ZNF660: variants seen among roughly 807,000 people sequenced by gnomAD.
ZNF660 encodes the protein zinc finger protein 660.
In ZNF660, 24 loss-of-function variants were observed where a neutral mutation model predicts 23.2. The ratio of observed to expected loss-of-function variants is 1.04; its 90% CI spans 0.75 to 1.46. ZNF660 has a LOEUF of 1.46. Among genes scored for constraint, ZNF660 ranks in the 40% most tolerant of loss-of-function variants. The pLI, the probability that ZNF660 is intolerant of heterozygous loss-of-function variation, is 0.00. For synonymous variants in ZNF660, 117 were observed against 131.4 expected (o/e 0.89, Z 0.75); for missense variants, 373 against 396.8 (o/e 0.94, Z 0.51).
chr3:44,590,762 A>T (rs951747362), intron 2 of ZNF660, among the ~76,000 whole-genome samples: 3 of 152,226 alleles, frequency 2.0e-5, no homozygotes, highest in Non-Finnish European at 4.4e-5. Context: ...CAACTTTCTC[A>T]CAGAACTTTG....
At chr3:44,590,504 A>C (rs192759887) in intron 2 of ZNF660, among the ~76,000 whole-genome samples, 1 of 152,226 alleles carries the variant, frequency 6.6e-6, no homozygotes, top group Admixed American at 6.5e-5. Context: ...ATTTAACCTT[A>C]ATTATCTCCT....
intron 2 of ZNF660, among the ~76,000 whole-genome samples, chr3:44,591,450 A>C (rs548391454): frequency 3.9e-5 from 6 of 152,314 alleles, no homozygotes; most frequent in Non-Finnish European, 7.4e-5. Flanking sequence ...TTTGAATAGC[A>C]ACAAGCAATA....
intron 2 of ZNF660, among the ~76,000 whole-genome samples, chr3:44,593,725 C>T (rs1700513764): frequency 6.6e-6 from 1 of 150,758 alleles, no homozygotes; most frequent in Admixed American, 6.6e-5. Context: ...AGTTAGATGG[C>T]TCCAATTCAG....
chr3:44,594,483 G>A lies in ZNF660; in HGVS notation c.290G>A (p.Arg97Gln), dbSNP rs149108320. 1.7e-4 allele frequency: 268 copies of A among 1,614,040 alleles called. No individual in the cohort carries two copies. The African/African-American group carries it at 2.2e-3, about 13-fold the overall frequency. ...FSHSSNLVVH[R>Q]RIHTGLKPYT... is the part of the protein sequence containing the mutation. ...CATAGCTCTAACCTTGTTGTTCATCGGAGAATCCACACTGGACTGAAGCCC... is the reference window on the plus strand; with the variant it reads ...CATAGCTCTAACCTTGTTGTTCATCAGAGAATCCACACTGGACTGAAGCCC... Residue 97 changes from arginine to glutamine, a missense_variant, in exon 3 of 3, where the codon CGG (arginine) becomes CAG (glutamine). Coordinates refer to ENST00000322734, the MANE Select transcript of ZNF660 (RefSeq NM_173658.4).
chr3:44,588,069 G>A (rs999282125), intron 2 of ZNF660, among the ~76,000 whole-genome samples: 4 of 152,084 alleles, frequency 2.6e-5, no homozygotes, highest in Non-Finnish European at 4.4e-5. Flanking sequence ...AAAAAAGAAA[G>A]AAAGAAAGAA....
chr3:44,594,994 T>A lies in ZNF660; in HGVS notation c.801T>A (p.Val267=). The A allele has an allele frequency of 1.2e-6, 2 of 1,613,980 alleles. No individual in the cohort carries two copies. Among genetic ancestry groups the A allele is most frequent in the Non-Finnish European group, 1.7e-6 (2 of 1,179,978 alleles). The change falls in exon 3 of 3, where the codon GTT becomes GTA. Residue 267 remains valine (V), a synonymous_variant. Coordinates refer to ENST00000322734, the MANE Select transcript of ZNF660 (RefSeq NM_173658.4). ...SNRNLVDHQR[V]HTGEKPYKCN... The stretch of plus-strand genomic sequence containing the variant: ...GAAACCTTGTTGATCATCAGAGAGT[T>A]CACACTGGAGAGAAACCCTATAAAT...
rs1024745551 is a variant in ZNF660, at chr3:44,597,477, C to G, written c.*2288C>G. The G allele has an allele frequency of 6.6e-6, 1 of 152,038 alleles. No homozygotes were observed. The highest frequency in any genetic ancestry group is 1.5e-5 in the Non-Finnish European group (1 of 67,990). The allele number at this position is 152,038 out of a possible 1,614,324, so 9.4% of individuals were successfully genotyped here. A position where few individuals can be genotyped will look rare whatever the true frequency, so the allele number is the denominator to read the frequency against. ...TGTATATTTGTGTGAAAAAAAATTA[C>G]TGATTTTGTCCTATTTTGATAGGAT... On this transcript the variant is annotated 3_prime_UTR_variant, in exon 3 of 3. Coordinates refer to ENST00000322734, the MANE Select transcript of ZNF660 (RefSeq NM_173658.4). The surrounding 1 kb of genome is among the most constrained non-coding windows in gnomAD (Gnocchi z 4.1).
At chr3:44,588,244 G>A (rs974704380) in intron 2 of ZNF660, among the ~76,000 whole-genome samples, 1 of 152,138 alleles carries the variant, frequency 6.6e-6, no homozygotes, top group Non-Finnish European at 1.5e-5. Context: ...GCAGAGCATG[G>A]TGAGAGTAGG....
At position 44,592,878 on chromosome 3, in the gene ZNF660, C is replaced by G. The variant is rs1415620375; in HGVS notation, c.-180-1136C>G. On this transcript the variant is annotated intron_variant, in intron 2 of 2. Transcript: ENST00000322734. The stretch of plus-strand genomic sequence containing the variant: ...ACCATCCTGGCTAACACAGTGAAAC[C>G]TCGTCTCTACTAAAAATACAAAAAA... Among the ~76,000 whole-genome samples, 3 of 152,076 alleles carry G rather than the reference C, an allele frequency of 2.0e-5. No homozygotes were observed. In the East Asian group the frequency reaches 5.8e-4, roughly 29 times the overall value.
chr3:44,593,507 A>G (rs1199322827), intron 2 of ZNF660, among the ~76,000 whole-genome samples: 1 of 152,122 alleles, frequency 6.6e-6, no homozygotes, highest in Non-Finnish European at 1.5e-5. Context: ...TGAGGTCAGG[A>G]GTTCAAGACC....
Position 44,594,424 on chromosome 3 carries a change from C to G in ZNF660, c.231C>G (p.Pro77=). ...VHERIHTGEK[P]YKCKECGKAF... Reference sequence around the variant, plus strand: ...AGCGAATCCACACGGGAGAGAAACCCTATAAGTGTAAGGAGTGTGGAAAAG... The same window carrying G: ...AGCGAATCCACACGGGAGAGAAACCGTATAAGTGTAAGGAGTGTGGAAAAG... The change falls in exon 3 of 3, where the codon CCC becomes CCG. Residue 77 remains proline, a synonymous_variant. Coordinates refer to ENST00000322734, the MANE Select transcript of ZNF660 (RefSeq NM_173658.4). The G allele has an allele frequency of 4.3e-6, 7 of 1,613,590 alleles. No individual in the cohort carries two copies. The highest frequency in any genetic ancestry group is 5.1e-6 in the Non-Finnish European group (6 of 1,179,920).
chr3:44,588,748 G>A (rs893477955), intron 2 of ZNF660, among the ~76,000 whole-genome samples: 1 of 152,094 alleles, frequency 6.6e-6, no homozygotes. Flanking sequence ...TGGGATTATA[G>A]GAGTGAGCCA....
chr3:44,596,938 C>A lies in ZNF660; in HGVS notation c.*1749C>A, dbSNP rs1445995460. ...ATTTTAAGTGCTTAGCTCAAAGTCA[C>A]TCTGAAACACTTAGAATCTCCCTAT... On this transcript the variant is annotated 3_prime_UTR_variant, in exon 3 of 3. Transcript: ENST00000322734. 1 of 152,224 alleles carries A rather than the reference C, an allele frequency of 6.6e-6. No homozygotes were observed. The highest frequency in any genetic ancestry group is 1.9e-4 in the East Asian group (1 of 5,194). The allele number at this position is 152,224 out of a possible 1,614,324, so 9.4% of individuals were successfully genotyped here. A position where few individuals can be genotyped will look rare whatever the true frequency, so the allele number is the denominator to read the frequency against.
In ZNF660 at chr3:44,594,532, A is replaced by C. The variant is rs1278108962; in HGVS notation, c.339A>C (p.Lys113Asn). The C allele has an allele frequency of 6.2e-7, 1 of 1,614,214 alleles. No homozygotes were observed. The stretch of plus-strand genomic sequence containing the variant: ...CCTATACATGCAGTGAATGTGGGAA[A>C]TCTTTCAGTGGAAAGTCACATCTTA... ...LKPYTCSECG[K>N]SFSGKSHLIR... The change falls in exon 3 of 3, where the codon AAA becomes AAC. Residue 113 changes from lysine (K) to asparagine (N), a missense_variant. Coordinates refer to ENST00000322734, the MANE Select transcript of ZNF660 (RefSeq NM_173658.4).
At chr3:44,588,530 TA>T (rs1038128105) in intron 2 of ZNF660, among the ~76,000 whole-genome samples, 6 of 152,168 alleles carry the variant, frequency 3.9e-5, no homozygotes, top group African/African-American at 1.2e-4. Context: ...TGTATTTATT[TA>T]TTTTGAGACA....
At position 44,594,054 on chromosome 3, in the gene ZNF660, T is replaced by G. The variant is rs1378250176; in HGVS notation, c.-140T>G. The stretch of plus-strand genomic sequence containing the variant: ...CTGAGGAGGAGTTAATTCCAAAGCA[T>G]CATTCCTGAAAAATCAGAATCATAC... On this transcript the variant is annotated 5_prime_UTR_variant, in exon 3 of 3. Transcript: ENST00000322734. The G allele has an allele frequency of 3.7e-6, 4 of 1,076,950 alleles. No homozygotes were observed. The highest frequency in any genetic ancestry group is 2.0e-4 in the Middle Eastern group (1 of 5,086). The allele number at this position is 1,076,950 out of a possible 1,614,324, so 66.7% of individuals were successfully genotyped here. A position where few individuals can be genotyped will look rare whatever the true frequency, so the allele number is the denominator to read the frequency against.
rs765829671 is a variant in ZNF660, at chr3:44,594,696, G to C, written c.503G>C (p.Gly168Ala). Residue 168 changes from glycine (G) to alanine (A), a missense_variant, in exon 3 of 3, where the codon GGG becomes GCG. By Grantham distance (60) the Gly-to-Ala change is moderately conservative. Coordinates refer to ENST00000322734, the MANE Select transcript of ZNF660 (RefSeq NM_173658.4). Reference protein sequence around the residue: ...GEKPYSCIECGKAFSRSSNLT... With the variant: ...GEKPYSCIECAKAFSRSSNLT... ...AAGCCCTATTCTTGTATTGAGTGTG[G>C]GAAAGCCTTTAGCCGTAGTTCAAAC... The C allele has an allele frequency of 3.1e-6, 5 of 1,614,018 alleles. No individual in the cohort carries two copies. The highest frequency in any genetic ancestry group is 1.3e-5 in the African/African-American group (1 of 74,912).
At chr3:44,587,828 C>A (rs140643396) in intron 2 of ZNF660, among the ~76,000 whole-genome samples, 1 of 152,054 alleles carries the variant, frequency 6.6e-6, no homozygotes, top group South Asian at 2.1e-4. Context: ...CTGAGGTGGG[C>A]GGATCACCTG....
Position 44,594,899 on chromosome 3 carries a change from C to T in ZNF660, c.706C>T (p.His236Tyr), listed in dbSNP as rs1202737698. ...TFILRKTLNEHQRLHRREKPY... is the reference protein window; with the variant it reads ...TFILRKTLNEYQRLHRREKPY... ...CATCTTAAGGAAAACTCTTAATGAA[C>T]ACCAGAGACTTCATCGTAGAGAGAA... is the stretch of plus-strand genomic sequence containing the variant. The change falls in exon 3 of 3, where the codon CAC (histidine) becomes TAC (tyrosine). Residue 236 changes from histidine (H) to tyrosine (Y), a missense_variant. Coordinates refer to ENST00000322734, the MANE Select transcript of ZNF660 (RefSeq NM_173658.4). The T allele has an allele frequency of 6.2e-7, 1 of 1,613,918 alleles. No homozygotes were observed. Among genetic ancestry groups the T allele is most frequent in the Non-Finnish European group, 8.5e-7 (1 of 1,180,022 alleles).
Sources: gnomAD v4.1 joint callset for allele counts (sites outside exome capture counted in the v4.1 genomes callset) on GRCh38, gnomAD v4.1.1 for gene constraint, Gnocchi (gnomAD v3.1) non-coding constraint, MANE v1.5 for transcripts, NCBI Gene and HGNC (gene_info 2026-07-23, HGNC 2026-07-21) for gene names.